Variants in GADL1 observed in about 807,000 individuals in gnomAD.
GADL1 encodes the protein GAD like acidic amino acid decarboxylase 1, also known as acidic amino acid decarboxylase GADL1.
A neutral mutation model predicts 69.5 loss-of-function variants in GADL1; 71 were observed. That is an observed-to-expected ratio of 1.02 (90% CI 0.84 to 1.25). The LOEUF (loss-of-function observed/expected upper bound fraction) is 1.25. GADL1 is among the 50% of genes most tolerant of loss of function. The probability of loss-of-function intolerance (pLI) is 0.00; values close to 1 mark genes in which losing one functional copy is unlikely to be tolerated. For missense variants in GADL1, 737 were observed against 631.8 expected (o/e 1.17, Z -1.79); for synonymous variants, 254 against 214.4 (o/e 1.18, Z -1.62).
chr3:30,787,223 GA>G (rs929481509), intron 12 of GADL1, among the ~76,000 whole-genome samples: 1 of 151,880 alleles, frequency 6.6e-6, no homozygotes, highest in African/African-American at 2.4e-5. Flanking sequence ...AATATGAGGG[GA>G]AAAAAGTGGG....
At chr3:30,857,773 T>C (rs1232292836) in intron 2 of GADL1, among the ~76,000 whole-genome samples, 1 of 151,990 alleles carries the variant, frequency 6.6e-6, no homozygotes, top group Non-Finnish European at 1.5e-5. Flanking sequence ...TTCTCCTGGT[T>C]TCATTTTTCC....
intron 14 of GADL1, among the ~76,000 whole-genome samples, chr3:30,771,429 C>A (rs1051272350): frequency 2.6e-5 from 4 of 152,040 alleles, no homozygotes; most frequent in African/African-American, 9.7e-5. Context: ...CTACAAAATT[C>A]AGGACATTCA....
At chr3:30,860,594 C>T (rs1047923275) in intron 2 of GADL1, among the ~76,000 whole-genome samples, 1 of 151,848 alleles carries the variant, frequency 6.6e-6, no homozygotes, top group Non-Finnish European at 1.5e-5. Flanking sequence ...ACTAGTTTTC[C>T]GAAAGGCATG....
At chr3:30,732,727 T>C (rs1695476449) in intron 14 of GADL1, among the ~76,000 whole-genome samples, 1 of 152,212 alleles carries the variant, frequency 6.6e-6, no homozygotes, top group Admixed American at 6.5e-5. Flanking sequence ...ATTTGTTATA[T>C]ACTCAGTGTT....
chr3:30,829,836 A>G lies in GADL1; in HGVS notation c.1050+4017T>C, dbSNP rs531591982. Among the ~76,000 whole-genome samples, 6 of 152,040 alleles carry G rather than the reference A, an allele frequency of 3.9e-5. No homozygotes were observed. The East Asian group carries it at 1.2e-3, about 30-fold the overall frequency. ...GTAGCTTCCATTCTAGTGGGAGAGA[A>G]TATTACATGAAAAATCATAATTACA... On this transcript the variant is annotated intron_variant, in intron 11 of 14. Coordinates refer to ENST00000282538, the MANE Select transcript of GADL1 (RefSeq NM_207359.3).
intron 6 of GADL1, among the ~76,000 whole-genome samples, chr3:30,846,329 C>T (rs549066682): frequency 4.7e-4 from 71 of 152,236 alleles, no homozygotes; most frequent in South Asian, 8.3e-4. Context: ...ACGAAAAAAA[C>T]TCTCAGCGGG....
Position 30,812,112 on chromosome 3 carries a change from A to G in GADL1, c.1051-11024T>C, listed in dbSNP as rs886080338. On this transcript the variant is annotated intron_variant, in intron 11 of 14. Coordinates refer to ENST00000282538, the MANE Select transcript of GADL1 (RefSeq NM_207359.3). ...TACTAGTACCCATTATAAGAGTTTT[A>G]TTTGTGTGAATACAAGTGAAGAATG... is the stretch of plus-strand genomic sequence containing the variant. Among the ~76,000 whole-genome samples, 3 of 152,284 alleles carry G rather than the reference A, an allele frequency of 2.0e-5. 1 individual carries two copies. Among genetic ancestry groups the G allele is most frequent in the Non-Finnish European group, 1.5e-5 (1 of 68,028 alleles).
chr3:30,776,708 A>C (rs887862437), intron 14 of GADL1, among the ~76,000 whole-genome samples: 7 of 152,218 alleles, frequency 4.6e-5, no homozygotes, highest in Non-Finnish European at 1.0e-4. Flanking sequence ...CCATGACTTA[A>C]AGGCTATGTT....
intron 11 of GADL1, among the ~76,000 whole-genome samples, chr3:30,825,709 G>C (rs1232878454): frequency 1.3e-5 from 2 of 151,424 alleles, no homozygotes; most frequent in Admixed American, 6.6e-5. Flanking sequence ...TAATAAGTGG[G>C]AGATAAACAA....
At chr3:30,778,350 GTTT>G in intron 13 of GADL1, 82 bp from the exon 14 acceptor site, 1 of 863,600 alleles carries the variant, frequency 1.2e-6, no homozygotes, top group Non-Finnish European at 1.9e-6. Context: ...CTCTTAGCTA[GTTT>G]CTTCAAGAGT....
chr3:30,749,830 G>C (rs1311440044), intron 14 of GADL1, among the ~76,000 whole-genome samples: 2 of 152,142 alleles, frequency 1.3e-5, no homozygotes, highest in African/African-American at 4.8e-5. Flanking sequence ...CTCAGGGACC[G>C]GCAATAAAAC....
chr3:30,753,507 TTC>T (rs1469343857), intron 14 of GADL1, among the ~76,000 whole-genome samples: 3 of 121,648 alleles, frequency 2.5e-5, no homozygotes, highest in Non-Finnish European at 5.2e-5. Flanking sequence ...GAAGGATAGT[TTC>T]TTTGTAGAAA....
At chr3:30,872,617 T>TA (rs1698508767) in intron 1 of GADL1, among the ~76,000 whole-genome samples, 1 of 151,930 alleles carries the variant, frequency 6.6e-6, no homozygotes, top group Non-Finnish European at 1.5e-5. Flanking sequence ...GACATGGTCT[T>TA]GGTGATACTG....
In GADL1 at chr3:30,742,591, A is replaced by G. The variant is rs535969929; in HGVS notation, c.1393-14176T>C. 4.6e-5 allele frequency among the ~76,000 whole-genome samples: 7 copies of G among 152,264 alleles called. No homozygotes were observed. The South Asian group carries it at 1.5e-3, about 32-fold the overall frequency. On this transcript the variant is annotated intron_variant, in intron 14 of 14. Transcript: ENST00000282538. Reference sequence around the variant, plus strand: ...TTTGGGTCTTCTCCATTTAAATATTATAAAATTCAGGTCTTTTCTGGTCAT... The same window carrying G: ...TTTGGGTCTTCTCCATTTAAATATTGTAAAATTCAGGTCTTTTCTGGTCAT...
intron 14 of GADL1, among the ~76,000 whole-genome samples, chr3:30,753,772 T>C (rs147368984): frequency 7.1e-4 from 108 of 152,316 alleles, no homozygotes; most frequent in Non-Finnish European, 1.2e-3. Context: ...TACAAATACA[T>C]GTGTTCCTAT....
intron 11 of GADL1, among the ~76,000 whole-genome samples, chr3:30,830,890 C>T (rs776090679): frequency 3.3e-5 from 5 of 151,924 alleles, no homozygotes; most frequent in Admixed American, 6.6e-5. Context: ...TGGAATCATT[C>T]GTTCAGTTGC....
At chr3:30,783,609 C>T (rs1006692398) in intron 13 of GADL1, among the ~76,000 whole-genome samples, 5 of 151,442 alleles carry the variant, frequency 3.3e-5, no homozygotes, top group African/African-American at 1.2e-4. Context: ...TTATATGTGA[C>T]ATTCAGGGTC....
chr3:30,755,074 C>G (rs1189491111), intron 14 of GADL1, among the ~76,000 whole-genome samples: 1 of 152,150 alleles, frequency 6.6e-6, no homozygotes, highest in Non-Finnish European at 1.5e-5. Context: ...TTAGCCTACC[C>G]AGGGACAACG....
At chr3:30,882,843 GTTTT>G (rs370810304) in intron 1 of GADL1, among the ~76,000 whole-genome samples, 32 of 147,038 alleles carry the variant, frequency 2.2e-4, no homozygotes, top group African/African-American at 7.7e-4. Flanking sequence ...CAGGTGGTTG[GTTTT>G]TTTTTTATAG....
Sources: gnomAD v4.1 joint callset for allele counts (sites outside exome capture counted in the v4.1 genomes callset) on GRCh38, gnomAD v4.1.1 for gene constraint, MANE v1.5 for transcripts, NCBI Gene and HGNC (gene_info 2026-07-23, HGNC 2026-07-21) for gene names.